PPP3CA: variants seen among roughly 807,000 people sequenced by gnomAD.
The protein encoded by PPP3CA is protein phosphatase 3 catalytic subunit alpha, also known as CAM-PRP catalytic subunit.
A neutral mutation model predicts 66.5 loss-of-function variants in PPP3CA; 14 were observed. The observed-to-expected ratio is 0.21, with a 90% confidence interval of 0.14 to 0.33. PPP3CA has a LOEUF of 0.33. Among genes scored for constraint, PPP3CA ranks in the 10% least tolerant of loss-of-function variants. The pLI is 1.00. For missense variants in PPP3CA, 317 were observed against 639.5 expected (o/e 0.50, Z 5.44); for synonymous variants, 232 against 226.2 (o/e 1.03, Z -0.23).
intron 1 of PPP3CA, among the ~76,000 whole-genome samples, chr4:101,244,578 A>G (rs1351073068): frequency 2.0e-5 from 3 of 152,202 alleles, no homozygotes; most frequent in Non-Finnish European, 4.4e-5. Context: ...AGAGTACGCT[A>G]TACGCCCTCC....
chr4:101,322,181 C>T (rs190656663), intron 1 of PPP3CA, among the ~76,000 whole-genome samples: 3 of 152,042 alleles, frequency 2.0e-5, no homozygotes, highest in East Asian at 1.9e-4. Context: ...ACAGTCTATT[C>T]GAAAATGCAT....
intron 1 of PPP3CA, among the ~76,000 whole-genome samples, chr4:101,333,738 C>A (rs1729529604): frequency 6.6e-6 from 1 of 152,138 alleles, no homozygotes; most frequent in African/African-American, 2.4e-5. Flanking sequence ...CTACACTTTC[C>A]ACAAATTCAT....
At position 101,084,472 on chromosome 4, in the gene PPP3CA, C is replaced by A. The variant is rs1729570740; in HGVS notation, c.783-1209G>T. ...CCTTGCCAATGTGGTGAAACCCTGT[C>A]TCTTACTAAAAATACAAAAAACTAG... On this transcript the variant is annotated intron_variant, in intron 6 of 13. Transcript: ENST00000394854. Among the ~76,000 whole-genome samples, 3 of 152,038 alleles carry A rather than the reference C, an allele frequency of 2.0e-5. No homozygotes were observed. In the South Asian group the frequency reaches 6.2e-4, roughly 32 times the overall value.
At chr4:101,310,161 C>T (rs1328499714) in intron 1 of PPP3CA, among the ~76,000 whole-genome samples, 1 of 152,156 alleles carries the variant, frequency 6.6e-6, no homozygotes, top group Non-Finnish European at 1.5e-5. Flanking sequence ...TTCTACCTTT[C>T]ACTGCCAAGG....
intron 6 of PPP3CA, among the ~76,000 whole-genome samples, chr4:101,091,763 T>C (rs1191619175): frequency 6.6e-6 from 1 of 150,864 alleles, no homozygotes; most frequent in Non-Finnish European, 1.5e-5. Flanking sequence ...TTAGCTTAGC[T>C]GCCAGGGCTG....
chr4:101,074,259 T>A (rs545477544), intron 8 of PPP3CA, among the ~76,000 whole-genome samples: 1 of 152,266 alleles, frequency 6.6e-6, no homozygotes, highest in South Asian at 2.1e-4. Flanking sequence ...GACGCCTGGG[T>A]ATAGATTCCA....
intron 2 of PPP3CA, among the ~76,000 whole-genome samples, chr4:101,139,129 C>CG (rs1722715934): frequency 6.6e-6 from 1 of 151,882 alleles, no homozygotes; most frequent in Non-Finnish European, 1.5e-5. Flanking sequence ...TGGATCACAA[C>CG]GTCAGGAGAT....
chr4:101,134,046 C>T (rs926384564), intron 2 of PPP3CA, among the ~76,000 whole-genome samples: 1 of 152,118 alleles, frequency 6.6e-6, no homozygotes, highest in Non-Finnish European at 1.5e-5. Flanking sequence ...TAGCTATATG[C>T]AGAAAACTGA....
chr4:101,191,924 G>A (rs2659511), intron 2 of PPP3CA, among the ~76,000 whole-genome samples: 37,460 of 152,058 alleles, frequency 0.25, 7,181 homozygotes, highest in African/African-American at 0.52. Flanking sequence ...CAGGAAACAG[G>A]CAAACCAGAG....
At chr4:101,334,098 A>G (rs1201232874) in intron 1 of PPP3CA, among the ~76,000 whole-genome samples, 1 of 152,114 alleles carries the variant, frequency 6.6e-6, no homozygotes, top group Non-Finnish European at 1.5e-5. Context: ...AGGAGATTAT[A>G]TCATATGGGA....
intron 1 of PPP3CA, among the ~76,000 whole-genome samples, chr4:101,264,173 A>C (rs1276597954): frequency 6.6e-6 from 1 of 152,222 alleles, no homozygotes; most frequent in East Asian, 1.9e-4. Context: ...AAATGAAATA[A>C]GGCATGAATC....
intron 1 of PPP3CA, among the ~76,000 whole-genome samples, chr4:101,333,053 C>A (rs899277041): frequency 2.0e-5 from 3 of 151,382 alleles, no homozygotes; most frequent in Admixed American, 6.6e-5. Flanking sequence ...ACCCTGCTCA[C>A]AAATGAGTTA....
In PPP3CA at chr4:101,164,216, C is replaced by A. The variant is rs1233690477; in HGVS notation, c.259+31700G>T. ...CACTCTACTTAACAATTCCACCCAC[C>A]CTCACCCTGCCACTCCCTTATCCCA... On this transcript the variant is annotated intron_variant, in intron 2 of 13. Transcript: ENST00000394854. Among the ~76,000 whole-genome samples the A allele has an allele frequency of 8.0e-5, 12 of 149,884 alleles. No individual in the cohort carries two copies. In the Admixed American group the frequency reaches 8.1e-4, roughly 10 times the overall value.
intron 1 of PPP3CA, among the ~76,000 whole-genome samples, chr4:101,296,468 G>A (rs999156228): frequency 1.3e-5 from 2 of 152,034 alleles, no homozygotes; most frequent in Admixed American, 1.3e-4. Flanking sequence ...GAAAAATAAA[G>A]ATGAACTACT....
intron 2 of PPP3CA, among the ~76,000 whole-genome samples, chr4:101,142,181 G>A (rs1722832024): frequency 6.6e-6 from 1 of 152,156 alleles, no homozygotes; most frequent in African/African-American, 2.4e-5. Flanking sequence ...AGAAACGGTA[G>A]ACTTTGCCTT....
chr4:101,135,958 C>T (rs1374921469), intron 2 of PPP3CA, among the ~76,000 whole-genome samples: 1 of 152,134 alleles, frequency 6.6e-6, no homozygotes, highest in Non-Finnish European at 1.5e-5. Flanking sequence ...TTTAAATGTT[C>T]TCATATGTAA....
intron 2 of PPP3CA, among the ~76,000 whole-genome samples, chr4:101,114,723 C>T (rs1721787686): frequency 6.6e-6 from 1 of 152,022 alleles, no homozygotes; most frequent in African/African-American, 2.4e-5. Flanking sequence ...CCTCCATTAG[C>T]CCATTTTAAG....
chr4:101,028,765 T>C (rs533812529), intron 13 of PPP3CA, among the ~76,000 whole-genome samples: 1 of 152,286 alleles, frequency 6.6e-6, no homozygotes, highest in South Asian at 2.1e-4. Context: ...TTCTGAAGAC[T>C]AGAATTAAGA....
chr4:101,265,789 A>G (rs1261978520), intron 1 of PPP3CA, among the ~76,000 whole-genome samples: 2 of 152,206 alleles, frequency 1.3e-5, no homozygotes, highest in African/African-American at 4.8e-5. Context: ...CAAAATAACA[A>G]AATTAAACCA....
Sources: allele counts gnomAD v4.1 joint callset (sites outside exome capture counted in the v4.1 genomes callset), GRCh38; gene constraint gnomAD v4.1.1; transcripts MANE v1.5; gene names NCBI Gene and HGNC (gene_info 2026-07-23, HGNC 2026-07-21).